HNRNPD: variants seen among roughly 807,000 people sequenced by gnomAD.
The protein encoded by HNRNPD is heterogeneous nuclear ribonucleoprotein D.
In HNRNPD, 3 loss-of-function variants were observed where a neutral mutation model predicts 47.9. The observed-to-expected ratio is 0.06, with a 90% CI of 0.03 to 0.16. The LOEUF is 0.16. Ranked by LOEUF, HNRNPD falls within the 10% of genes least tolerant of loss-of-function variation. The pLI is 1.00. For missense variants in HNRNPD, 287 were observed against 454.2 expected (o/e 0.63, Z 3.35); for synonymous variants, 171 against 165.1 (o/e 1.04, Z -0.28).
At chr4:82,359,828 A>G (rs1723884293) in intron 2 of HNRNPD, among the ~76,000 whole-genome samples, 189 bp from the exon 3 acceptor site, 1 of 152,200 alleles carries the variant, frequency 6.6e-6, no homozygotes, top group African/African-American at 2.4e-5. Flanking sequence ...CTGCTCCCAA[A>G]TAATTACAAA....
Position 82,353,024 on chromosome 4 carries a change from T to G in HNRNPD, c.*1161A>C, listed in dbSNP as rs1397297034. 6.6e-6 allele frequency: 1 copy of G among 152,208 alleles called. No homozygotes were observed. The highest frequency in any genetic ancestry group is 1.5e-5 in the Non-Finnish European group (1 of 68,036). 9.4% of individuals were successfully genotyped at this position (152,208 alleles called of 1,614,324 possible). ...CTTAGATTACCACTCAGGGTGGAAC[T>G]CTTAACATTCACTTAAGTAATACCT... On this transcript the variant is annotated 3_prime_UTR_variant, in exon 9 of 9. Coordinates refer to ENST00000313899, the MANE Select transcript of HNRNPD (RefSeq NM_031370.3).
At chr4:82,364,360 C>T (rs372050329) in intron 2 of HNRNPD, among the ~76,000 whole-genome samples, 1 of 152,284 alleles carries the variant, frequency 6.6e-6, no homozygotes, top group African/African-American at 2.4e-5. Context: ...CAGATATTTG[C>T]AGAGGGTTAA....
intron 2 of HNRNPD, among the ~76,000 whole-genome samples, chr4:82,364,531 T>C (rs890701293): frequency 6.6e-6 from 1 of 152,238 alleles, no homozygotes; most frequent in African/African-American, 2.4e-5. Context: ...TTTTTAAAAC[T>C]GCATAGGCTT....
chr4:82,366,846 C>G (rs527250598), intron 2 of HNRNPD, among the ~76,000 whole-genome samples: 2 of 151,996 alleles, frequency 1.3e-5, no homozygotes, highest in African/African-American at 2.4e-5. Context: ...CAGGTGTGAG[C>G]CACTACGCCT....
intron 2 of HNRNPD, among the ~76,000 whole-genome samples, chr4:82,360,103 T>C (rs1214166358): frequency 5.3e-5 from 8 of 152,164 alleles, no homozygotes; most frequent in African/African-American, 1.4e-4. Context: ...ACAAAACTCT[T>C]AGCACATAAA....
chr4:82,369,865 G>A (rs1477790181), intron 2 of HNRNPD, among the ~76,000 whole-genome samples: 2 of 152,188 alleles, frequency 1.3e-5, no homozygotes, highest in African/African-American at 4.8e-5. Context: ...TGGCTAGGCC[G>A]GGCGCAGTGG....
intron 3 of HNRNPD, 129 bp from the exon 4 acceptor site, chr4:82,358,949 T>C (rs1723845726): frequency 2.9e-6 from 2 of 687,054 alleles, no homozygotes; most frequent in African/African-American, 1.8e-5. Flanking sequence ...AAGATTAAAC[T>C]GTCAAGTCAT....
chr4:82,356,578 T>A lies in HNRNPD; in HGVS notation c.959A>T (p.Tyr320Phe). Residue 320 changes from tyrosine (Y) to phenylalanine (F), a missense_variant, in exon 7 of 9, where the codon TAC becomes TTC. Transcript: ENST00000313899. ...TCCATAGTAGTTGTTGTAACCAGTG[T>A]AGTCATATCCTCCATAACCACCGTA... is the stretch of plus-strand genomic sequence containing the variant. ...QGYGGYGGYDYTGYNNYYGYG... is the reference protein window; with the variant it reads ...QGYGGYGGYDFTGYNNYYGYG... The A allele has an allele frequency of 6.2e-7, 1 of 1,610,976 alleles. No homozygotes were observed. Among genetic ancestry groups the A allele is most frequent in the East Asian group, 2.2e-5 (1 of 44,870 alleles).
At position 82,370,819 on chromosome 4, in the gene HNRNPD, G is replaced by A. The variant is rs578208962; in HGVS notation, c.290+709C>T. 5.9e-5 allele frequency among the ~76,000 whole-genome samples: 9 copies of A among 152,136 alleles called. No individual in the cohort carries two copies. The South Asian group carries it at 1.9e-3, about 32-fold the overall frequency. On this transcript the variant is annotated intron_variant, in intron 2 of 8. Coordinates refer to ENST00000313899, the MANE Select transcript of HNRNPD (RefSeq NM_031370.3). ...GGGGAGGGGAAAGGATGGATAAAAAGAACAATACTCAACCTACCAGCCTCC... is the reference window on the plus strand; with the variant it reads ...GGGGAGGGGAAAGGATGGATAAAAAAAACAATACTCAACCTACCAGCCTCC...
Position 82,373,506 on chromosome 4 carries a change from C to G in HNRNPD, c.173G>C (p.Gly58Ala), listed in dbSNP as rs767107472. ...CGCCCCCTCCGACTCGGCGCTGCCC[C>G]CTTCGGTGCCTCCAGACGCGGTTCC... ...GGGTASGGTE[G>A]GSAESEGAKI... Residue 58 changes from glycine (G) to alanine (A), a missense_variant, in exon 1 of 9, where the codon GGG (glycine) becomes GCG (alanine). Gly to Ala is a moderately conservative substitution (Grantham distance 60). Transcript: ENST00000313899. 4 of 1,548,868 alleles carry G rather than the reference C, an allele frequency of 2.6e-6. No individual in the cohort carries two copies. The highest frequency in any genetic ancestry group is 3.5e-6 in the Non-Finnish European group (4 of 1,145,844).
chr4:82,355,484 A>C, intron 7 of HNRNPD, 83 bp from the exon 8 acceptor site: 201 of 989,202 alleles, frequency 2.0e-4, no homozygotes, highest in Non-Finnish European at 2.9e-4. Context: ...AAACAATCTC[A>C]AAAAATTAAG....
intron 2 of HNRNPD, among the ~76,000 whole-genome samples, chr4:82,362,366 C>T (rs1719500744): frequency 6.6e-6 from 1 of 152,138 alleles, no homozygotes; most frequent in African/African-American, 2.4e-5. Flanking sequence ...TAAGCAAGCA[C>T]CTAAGTGGCT....
rs374368823 is a variant in HNRNPD at position 82,355,294 on chromosome 4, T to C, written c.*30+10A>G. The stretch of plus-strand genomic sequence containing the variant: ...GTAAATGACAAAAAAAAACTATTTT[T>C]AGAACATACCTGTTGGGGATAAGTT... On this transcript the variant is annotated intron_variant, in intron 8 of 8. Transcript: ENST00000313899. 275 of 1,451,576 alleles carry C rather than the reference T, an allele frequency of 1.9e-4. 1 individual carries two copies. Among genetic ancestry groups the C allele is most frequent in the Admixed American group, 2.6e-4 (15 of 57,206 alleles). The allele number at this position is 1,451,576 out of a possible 1,614,324, so 89.9% of individuals were successfully genotyped here.
chr4:82,368,732 T>C (rs1719885770), intron 2 of HNRNPD, among the ~76,000 whole-genome samples: 1 of 152,180 alleles, frequency 6.6e-6, no homozygotes, highest in Non-Finnish European at 1.5e-5. Context: ...GCCAGTAAAT[T>C]TGGCATGAGA....
intron 8 of HNRNPD, 172 bp downstream of exon 8, chr4:82,355,132 G>A: frequency 1.7e-6 from 1 of 587,476 alleles, no homozygotes; most frequent in South Asian, 2.3e-5. Flanking sequence ...AGGACAAAAA[G>A]GCAAAAGCTT....
At chr4:82,359,366 T>C in intron 3 of HNRNPD, 105 bp downstream of exon 3, 1 of 693,522 alleles carries the variant, frequency 1.4e-6, no homozygotes, top group African/African-American at 1.8e-5. Flanking sequence ...TCTTCCTTCC[T>C]ATACTATCAA....
In HNRNPD at chr4:82,373,757, C is replaced by T; in HGVS notation, c.-79G>A. On this transcript the variant is annotated 5_prime_UTR_variant, in exon 1 of 9. Transcript: ENST00000313899. ...CCGAAACTAGCAGCAAAGTAATCCC[C>T]GCCGCTGCCGCGCGCCCGCTCTACC... 2 of 1,527,642 alleles carry T rather than the reference C, an allele frequency of 1.3e-6. No individual in the cohort carries two copies. Among genetic ancestry groups the T allele is most frequent in the Non-Finnish European group, 8.7e-7 (1 of 1,144,046 alleles). The allele number at this position is 1,527,642 out of a possible 1,614,324, so 94.6% of individuals were successfully genotyped here.
At chr4:82,360,949 C>A (rs1443349946) in intron 2 of HNRNPD, among the ~76,000 whole-genome samples, 2 of 152,142 alleles carry the variant, frequency 1.3e-5, no homozygotes, top group Non-Finnish European at 2.9e-5. Flanking sequence ...GTATATACTG[C>A]GCTTCCCACT....
At chr4:82,364,169 T>C (rs1317328825) in intron 2 of HNRNPD, among the ~76,000 whole-genome samples, 1 of 152,106 alleles carries the variant, frequency 6.6e-6, no homozygotes, top group African/African-American at 2.4e-5. Context: ...CAGGTTTTAC[T>C]ATGTCGCCCA....
Sources: allele counts gnomAD v4.1 joint callset (sites outside exome capture counted in the v4.1 genomes callset), GRCh38; gene constraint gnomAD v4.1.1; transcripts MANE v1.5; gene names NCBI Gene and HGNC (gene_info 2026-07-23, HGNC 2026-07-21).